Variants in GRID2 observed in about 807,000 individuals in gnomAD.
The protein encoded by GRID2 is glutamate receptor ionotropic, delta-2.
Under a neutral mutation model 114.8 loss-of-function variants are expected in GRID2, and 33 were observed. The ratio of observed to expected loss-of-function variants is 0.29; its 90% CI spans 0.22 to 0.38. The LOEUF is 0.38. GRID2 is among the 10% of genes least tolerant of loss of function. The probability of loss-of-function intolerance (pLI) is 1.00; values close to 1 mark genes in which losing one functional copy is unlikely to be tolerated. For missense variants in GRID2, 1,184 were observed against 1,257.7 expected (o/e 0.94, Z 0.89); for synonymous variants, 505 against 449.9 (o/e 1.12, Z -1.55).
chr4:92,691,089 T>C (rs577588384), intron 2 of GRID2, among the ~76,000 whole-genome samples: 35 of 152,262 alleles, frequency 2.3e-4, no homozygotes, highest in Middle Eastern at 3.4e-3. Context: ...TTTCTTCCCA[T>C]TAGGGTGGAG....
intron 2 of GRID2, among the ~76,000 whole-genome samples, chr4:92,660,618 C>A (rs1732469965): frequency 6.6e-6 from 1 of 151,178 alleles, no homozygotes; most frequent in South Asian, 2.1e-4. Context: ...AGTTTACCAG[C>A]TACTTTAAAA....
intron 2 of GRID2, among the ~76,000 whole-genome samples, chr4:93,042,730 GAGAT>G (rs1410125381): frequency 1.4e-5 from 2 of 146,494 alleles, no homozygotes; most frequent in African/African-American, 5.0e-5. Flanking sequence ...TATAGAGAGA[GAGAT>G]AGAGAGATAA....
At chr4:93,383,716 A>C (rs1016281301) in intron 8 of GRID2, among the ~76,000 whole-genome samples, 3 of 152,122 alleles carry the variant, frequency 2.0e-5, no homozygotes, top group East Asian at 3.9e-4. Flanking sequence ...TGGGGATGCC[A>C]CTACCCCCTA....
chr4:92,463,939 AT>A (rs369221307), intron 1 of GRID2, among the ~76,000 whole-genome samples: 1,554 of 150,520 alleles, frequency 0.01, 14 homozygotes, highest in African/African-American at 0.018. Flanking sequence ...TCTTTTAAAC[AT>A]TTTTTTTTAT....
At chr4:93,553,899 A>G (rs748218680) in intron 13 of GRID2, among the ~76,000 whole-genome samples, 2 of 152,152 alleles carry the variant, frequency 1.3e-5, no homozygotes, top group African/African-American at 2.4e-5. Flanking sequence ...TACTTACTCA[A>G]CTGTAGATTA....
intron 4 of GRID2, among the ~76,000 whole-genome samples, chr4:93,170,938 C>T (rs984875935): frequency 4.6e-5 from 7 of 151,834 alleles, no homozygotes; most frequent in African/African-American, 1.2e-4. Context: ...AATGTCTGCT[C>T]GGTACTTCAG....
intron 2 of GRID2, among the ~76,000 whole-genome samples, chr4:92,810,953 T>C (rs1045135030): frequency 4.6e-5 from 7 of 152,004 alleles, no homozygotes; most frequent in African/African-American, 1.7e-4. Context: ...CACGCAATTT[T>C]TGTACTTTTA....
intron 3 of GRID2, among the ~76,000 whole-genome samples, chr4:93,101,471 T>C (rs1201785931): frequency 6.6e-6 from 1 of 152,082 alleles, no homozygotes; most frequent in African/African-American, 2.4e-5. Context: ...TCTATCTTCA[T>C]GAATTTCACT....
chr4:93,734,187 A>G (rs1048059325), intron 14 of GRID2, among the ~76,000 whole-genome samples: 1 of 152,052 alleles, frequency 6.6e-6, no homozygotes, highest in Non-Finnish European at 1.5e-5. Flanking sequence ...GGCTTAATAC[A>G]TATGAAAACA....
At chr4:93,123,257 G>A (rs1427800629) in intron 4 of GRID2, among the ~76,000 whole-genome samples, 1 of 151,898 alleles carries the variant, frequency 6.6e-6, no homozygotes, top group East Asian at 1.9e-4. Flanking sequence ...TTTATACTAA[G>A]TTCTTAAATA....
At chr4:92,621,429 T>G (rs1730269753) in intron 2 of GRID2, among the ~76,000 whole-genome samples, 2 of 151,764 alleles carry the variant, frequency 1.3e-5, no homozygotes, top group South Asian at 4.1e-4. Context: ...CAGTGCAAAA[T>G]ATTATCTCTA....
At chr4:92,727,797 G>A (rs1736133292) in intron 2 of GRID2, among the ~76,000 whole-genome samples, 1 of 151,948 alleles carries the variant, frequency 6.6e-6, no homozygotes, top group Admixed American at 6.6e-5. Flanking sequence ...TCATTCTCCT[G>A]TTGATTTGAC....
chr4:93,255,228 G>A (rs1387598961), intron 8 of GRID2, among the ~76,000 whole-genome samples: 1 of 151,848 alleles, frequency 6.6e-6, no homozygotes, highest in Non-Finnish European at 1.5e-5. Flanking sequence ...CATACATTAA[G>A]AAAAAAATTA....
intron 14 of GRID2, among the ~76,000 whole-genome samples, chr4:93,695,418 C>T (rs1232091683): frequency 6.6e-6 from 1 of 152,112 alleles, no homozygotes; most frequent in Non-Finnish European, 1.5e-5. Flanking sequence ...ACTAGAATGC[C>T]TATGTCTATT....
chr4:92,920,235 G>A (rs112708955), intron 2 of GRID2, among the ~76,000 whole-genome samples: 1 of 152,108 alleles, frequency 6.6e-6, no homozygotes, highest in Non-Finnish European at 1.5e-5. Context: ...TTGAGCCTGT[G>A]TGTATCTCTG....
intron 2 of GRID2, among the ~76,000 whole-genome samples, chr4:92,793,035 AAG>A (rs1739671689): frequency 6.6e-6 from 1 of 151,614 alleles, no homozygotes; most frequent in African/African-American, 2.4e-5. Flanking sequence ...ATTTTGCGTA[AAG>A]AGAGTAATTA....
At chr4:93,010,676 A>G (rs1722041699) in intron 2 of GRID2, among the ~76,000 whole-genome samples, 2 of 152,158 alleles carry the variant, frequency 1.3e-5, no homozygotes, top group Admixed American at 1.3e-4. Context: ...TTTCCTTTGT[A>G]AGTAATTGAT....
At chr4:92,726,259 T>A (rs552937450) in intron 2 of GRID2, among the ~76,000 whole-genome samples, 1 of 152,130 alleles carries the variant, frequency 6.6e-6, no homozygotes, top group African/African-American at 2.4e-5. Context: ...CTTCTACAGA[T>A]TATAAAATCC....
intron 2 of GRID2, among the ~76,000 whole-genome samples, chr4:93,010,865 G>C (rs376971): frequency 6.6e-6 from 1 of 151,708 alleles, no homozygotes; most frequent in African/African-American, 2.4e-5. Context: ...TGTTGTTTGA[G>C]TTTTCTTCAT....
Sources: allele counts gnomAD v4.1 joint callset (sites outside exome capture counted in the v4.1 genomes callset), GRCh38; gene constraint gnomAD v4.1.1; transcripts MANE v1.5; gene names NCBI Gene and HGNC (gene_info 2026-07-23, HGNC 2026-07-21).